The following PDCD10 variants were observed in gnomAD, a reference collection of about 807,000 sequenced individuals.
PDCD10 encodes programmed cell death 10.
In PDCD10, 4 loss-of-function variants were observed where a neutral mutation model predicts 29.2. The observed-to-expected ratio is 0.14, with a 90% CI of 0.07 to 0.31. PDCD10 has a LOEUF of 0.31. Among genes scored for constraint, PDCD10 ranks in the 10% least tolerant of loss-of-function variants. The pLI, the probability that PDCD10 is intolerant of heterozygous loss-of-function variation, is 1.00. For synonymous variants in PDCD10, 70 were observed against 82.2 expected, an observed-to-expected ratio of 0.85 and a Z score of 0.80; for missense variants, 183 against 257.9, an observed-to-expected ratio of 0.71 and a Z score of 1.99.
chr3:167,702,428 G>A (rs1721539390), intron 4 of PDCD10, among the ~76,000 whole-genome samples: 2 of 151,986 alleles, frequency 1.3e-5, no homozygotes, highest in Non-Finnish European at 2.9e-5. Context: ...TAATATATAG[G>A]ATACACAAAA....
chr3:167,696,738 A>G (rs1188178225), intron 5 of PDCD10, among the ~76,000 whole-genome samples: 1 of 152,168 alleles, frequency 6.6e-6, no homozygotes, highest in East Asian at 1.9e-4. Flanking sequence ...GAAACTCACC[A>G]AACATAAAGG....
At chr3:167,687,360 G>A (rs1202442611) in intron 7 of PDCD10, 44 bp from the exon 8 acceptor site, 1 of 1,175,292 alleles carries the variant, frequency 8.5e-7, no homozygotes. Context: ...CTAAATAAGA[G>A]AAATAATCAC....
intron 2 of PDCD10, among the ~76,000 whole-genome samples, chr3:167,724,145 C>A (rs1723857124): frequency 6.6e-6 from 1 of 152,192 alleles, no homozygotes; most frequent in Admixed American, 6.5e-5. Context: ...TTTACTCCAT[C>A]TGGGACTTGA....
intron 2 of PDCD10, among the ~76,000 whole-genome samples, chr3:167,731,791 A>G (rs1724840470): frequency 6.6e-6 from 1 of 152,200 alleles, no homozygotes; most frequent in Admixed American, 6.5e-5. Context: ...AGTACAGAGT[A>G]TGGTGAATAC....
At chr3:167,684,593 T>G (rs1258413488) in intron 8 of PDCD10, among the ~76,000 whole-genome samples, 2 of 152,274 alleles carry the variant, frequency 1.3e-5, no homozygotes, top group East Asian at 3.9e-4. Context: ...CTGGTGGTTC[T>G]GACTGGTAAT....
At chr3:167,728,502 G>A (rs181410319) in intron 2 of PDCD10, among the ~76,000 whole-genome samples, 3 of 152,262 alleles carry the variant, frequency 2.0e-5, no homozygotes, top group Non-Finnish European at 2.9e-5. Flanking sequence ...ATAAGACAGG[G>A]AGACCCATTT....
intron 3 of PDCD10, among the ~76,000 whole-genome samples, chr3:167,719,731 G>T (rs1029606272): frequency 6.6e-6 from 1 of 152,040 alleles, no homozygotes; most frequent in Non-Finnish European, 1.5e-5. Context: ...AGTGAGGCCT[G>T]TCCTGACCCC....
chr3:167,722,991 G>A (rs1053307129), intron 2 of PDCD10, among the ~76,000 whole-genome samples: 11 of 152,232 alleles, frequency 7.2e-5, no homozygotes, highest in Non-Finnish European at 4.4e-5. Flanking sequence ...CTACATAAGT[G>A]GCTGGCCTAT....
rs760515050 is a variant in PDCD10, at chr3:167,687,324, C to G, written c.475-8G>C. 5 of 1,486,190 alleles carry G rather than the reference C, an allele frequency of 3.4e-6. No homozygotes were observed. In the African/African-American group the frequency reaches 5.5e-5, roughly 16 times the overall value. The allele number at this position is 1,486,190 out of a possible 1,614,324, so 92.1% of individuals were successfully genotyped here. On this transcript the variant is annotated splice_polypyrimidine_tract_variant and splice_region_variant and intron_variant, in intron 7 of 8. Coordinates refer to ENST00000392750, the MANE Select transcript of PDCD10 (RefSeq NM_007217.4). ...CTTTTGGTGTTCAAGTGCCTACAGT[C>G]ACAAAATATAATAAGAAATAAAGTA...
intron 2 of PDCD10, among the ~76,000 whole-genome samples, chr3:167,725,761 G>GTT (rs1319955644): frequency 1.8e-5 from 1 of 54,710 alleles, no homozygotes; most frequent in African/African-American, 6.8e-5. Flanking sequence ...CCATTGTATC[G>GTT]TTTATATATA....
In PDCD10 at chr3:167,734,656, G is replaced by A. The variant is rs1415941439; in HGVS notation, c.-254+6C>T. 2 of 153,174 alleles carry A rather than the reference G, an allele frequency of 1.3e-5. No homozygotes were observed. The highest frequency in any genetic ancestry group is 2.9e-5 in the Non-Finnish European group (2 of 68,652). 9.5% of individuals were successfully genotyped at this position (153,174 alleles called of 1,614,324 possible). The stretch of plus-strand genomic sequence containing the variant: ...TACGCCACTCGCGTAGGGTAACCTC[G>A]CTTACGCCCGTAGGGCCCCGCTCTC... On this transcript the variant is annotated splice_donor_region_variant and intron_variant, in intron 1 of 8. Transcript: ENST00000392750.
intron 4 of PDCD10, among the ~76,000 whole-genome samples, chr3:167,698,617 T>G (rs1436516253): frequency 2.0e-5 from 3 of 152,184 alleles, no homozygotes; most frequent in African/African-American, 7.2e-5. Context: ...GCTTAAGATG[T>G]GTTGTTATAG....
intron 4 of PDCD10, among the ~76,000 whole-genome samples, chr3:167,701,351 C>T (rs1721408527): frequency 6.6e-6 from 1 of 152,154 alleles, no homozygotes; most frequent in Non-Finnish European, 1.5e-5. Flanking sequence ...TATACATACA[C>T]ACACATATAT....
intron 2 of PDCD10, among the ~76,000 whole-genome samples, chr3:167,730,200 A>AT (rs1294885320): frequency 3.3e-5 from 5 of 150,628 alleles, no homozygotes; most frequent in Non-Finnish European, 5.9e-5. Flanking sequence ...ATGTGCTTTC[A>AT]TTTTTTGCAT....
At chr3:167,728,468 C>T (rs1271788725) in intron 2 of PDCD10, among the ~76,000 whole-genome samples, 2 of 152,136 alleles carry the variant, frequency 1.3e-5, no homozygotes, top group African/African-American at 4.8e-5. Context: ...TCCAGTCTAT[C>T]TTGAAGTAAG....
chr3:167,732,356 A>G (rs1001879204), intron 2 of PDCD10, among the ~76,000 whole-genome samples: 2 of 152,190 alleles, frequency 1.3e-5, no homozygotes, highest in African/African-American at 4.8e-5. Context: ...TATACGGAAG[A>G]CATCCCAAGT....
chr3:167,697,749 G>A (rs558547885), intron 4 of PDCD10: 77 of 261,478 alleles, frequency 2.9e-4, no homozygotes, highest in African/African-American at 1.5e-3. Context: ...TACCTTTTGA[G>A]CTTGTTTCAT....
At chr3:167,713,230 A>G (rs1722698264) in intron 3 of PDCD10, among the ~76,000 whole-genome samples, 1 of 152,092 alleles carries the variant, frequency 6.6e-6, no homozygotes, top group Admixed American at 6.5e-5. Flanking sequence ...ACTAGTATCA[A>G]ACATCTTCTC....
intron 3 of PDCD10, among the ~76,000 whole-genome samples, chr3:167,705,690 A>G (rs574563314): frequency 6.6e-6 from 1 of 152,208 alleles, no homozygotes; most frequent in Non-Finnish European, 1.5e-5. Flanking sequence ...CTTAATATTT[A>G]ACATGACTTC....
Sources: allele counts gnomAD v4.1 joint callset (sites outside exome capture counted in the v4.1 genomes callset), GRCh38; gene constraint gnomAD v4.1.1; transcripts MANE v1.5; gene names NCBI Gene and HGNC (gene_info 2026-07-23, HGNC 2026-07-21).